The following ZNF142 variants were observed in gnomAD, a reference collection of about 807,000 sequenced individuals.
ZNF142 encodes the protein zinc finger protein 142.
A neutral mutation model predicts 132.1 loss-of-function variants in ZNF142; 96 were observed. The observed-to-expected ratio is 0.73, with a 90% CI of 0.62 to 0.86. ZNF142 has a LOEUF of 0.86. ZNF142 is among the 40% of genes least tolerant of loss of function. The probability of loss-of-function intolerance (pLI) is 0.00; values close to 1 mark genes in which losing one functional copy is unlikely to be tolerated. For synonymous variants in ZNF142, 842 were observed against 890.1 expected, an observed-to-expected ratio of 0.95 and a Z score of 0.96; for missense variants, 2,163 against 2,336.2, an observed-to-expected ratio of 0.93 and a Z score of 1.53.
At chr2:218,639,556 C>G (rs1045765691) in intron 10 of ZNF142, among the ~76,000 whole-genome samples, 7 of 152,038 alleles carry the variant, frequency 4.6e-5, no homozygotes, top group African/African-American at 1.7e-4. Context: ...GCCTGGGCAA[C>G]AAAGTGAGAC....
rs1305735483 is a variant in ZNF142, at chr2:218,634,600, C to G, written c.*3739G>C. The G allele has an allele frequency of 5.6e-6, 9 of 1,613,886 alleles. No individual in the cohort carries two copies. The highest frequency in any genetic ancestry group is 7.6e-6 in the Non-Finnish European group (9 of 1,179,896). ...CTTTCCACCCTGAGAAGCCCATCAGCCCTTTCAAAGCCCAGACTCTCTTAA... is the reference window on the plus strand; with the variant it reads ...CTTTCCACCCTGAGAAGCCCATCAGGCCTTTCAAAGCCCAGACTCTCTTAA... On this transcript the variant is annotated 3_prime_UTR_variant, in exon 11 of 11. Coordinates refer to ENST00000411696, the MANE Select transcript of ZNF142 (RefSeq NM_001379659.1). This position sits in a 1 kb window ranked among gnomAD's most constrained non-coding sequence, Gnocchi z 4.0.
chr2:218,650,536 C>G lies in ZNF142; in HGVS notation c.881-10G>C. 6.4e-7 allele frequency: 1 copy of G among 1,556,656 alleles called. No individual in the cohort carries two copies. Among genetic ancestry groups the G allele is most frequent in the Non-Finnish European group, 8.7e-7 (1 of 1,154,278 alleles). ...GGAGGCAGTTTGGGAGCTGGAGATA[C>G]ATAAAACTTGATAAAGTCTACAGGA... is the stretch of plus-strand genomic sequence containing the variant. On this transcript the variant is annotated splice_polypyrimidine_tract_variant and intron_variant, in intron 5 of 10. Coordinates refer to ENST00000411696, the MANE Select transcript of ZNF142 (RefSeq NM_001379659.1).
chr2:218,643,138 G>A lies in ZNF142; in HGVS notation c.3978C>T (p.Gly1326=), dbSNP rs1338135552. The part of the protein sequence containing the change: ...ERALRTHQIR[G]CPLEESGELH... ...GCTCTCCAGACTCCTCGAGGGGGCA[G>A]CCCCGGATCTGGTGAGTCCTCAGAG... is the stretch of plus-strand genomic sequence containing the variant. Residue 1326 remains glycine, a synonymous_variant, in exon 9 of 11, where the codon GGC becomes GGT. Transcript: ENST00000411696. 1.2e-6 allele frequency: 2 copies of A among 1,614,108 alleles called. No individual in the cohort carries two copies. Among genetic ancestry groups the A allele is most frequent in the South Asian group, 2.2e-5 (2 of 91,072 alleles).
At position 218,642,266 on chromosome 2, in the gene ZNF142, C is replaced by T. The variant is rs1280645921; in HGVS notation, c.4850G>A (p.Gly1617Glu). The change falls in exon 9 of 11, where the codon GGG becomes GAG. Residue 1617 changes from glycine to glutamate, a missense_variant. Physicochemically the swap from Gly to Glu is moderately conservative, Grantham distance 98. This residue lies in a region of ZNF142 where 17 missense variants were observed against 35.9 expected (regional missense o/e 0.47). Coordinates refer to ENST00000411696, the MANE Select transcript of ZNF142 (RefSeq NM_001379659.1). This position sits in a 1 kb window ranked among gnomAD's most constrained non-coding sequence, Gnocchi z 4.6. ...GTGTAGCGGGGGCTGGCCAGCATCCCCATCCCCATCTGAGGCTGCCACGGC... is the reference window on the plus strand; with the variant it reads ...GTGTAGCGGGGGCTGGCCAGCATCCTCATCCCCATCTGAGGCTGCCACGGC... ...SAAVAASDGD[G>E]DAGQPPLHCP... 2 of 1,614,144 alleles carry T rather than the reference C, an allele frequency of 1.2e-6. No individual in the cohort carries two copies. Among genetic ancestry groups the T allele is most frequent in the Admixed American group, 1.7e-5 (1 of 60,024 alleles).
intron 3 of ZNF142, among the ~76,000 whole-genome samples, chr2:218,657,437 ATTC>A (rs1938617474): frequency 6.6e-6 from 1 of 151,940 alleles, no homozygotes; most frequent in African/African-American, 2.4e-5. Context: ...GCCTCCTGAC[ATTC>A]TTTTTTTTGA....
At position 218,642,307 on chromosome 2, in the gene ZNF142, A is replaced by G. The variant is rs1697273568; in HGVS notation, c.4809T>C (p.His1603=). 5.0e-6 allele frequency: 8 copies of G among 1,613,932 alleles called. No individual in the cohort carries two copies. The highest frequency in any genetic ancestry group is 4.0e-5 in the African/African-American group (3 of 75,016). ...VGLVKHYLEQ[H]EETSAAVAAS... is the part of the protein sequence containing the mutation. ...CTGCCACGGCTGCTGAAGTCTCCTC[A>G]TGCTGTTCCAGGTAGTGCTTTACCA... is the stretch of plus-strand genomic sequence containing the variant. Residue 1603 remains histidine (H), a synonymous_variant, in exon 9 of 11, where the codon CAT becomes CAC. Coordinates refer to ENST00000411696, the MANE Select transcript of ZNF142 (RefSeq NM_001379659.1). This position sits in a 1 kb window ranked among gnomAD's most constrained non-coding sequence, Gnocchi z 4.6.
At position 218,649,080 on chromosome 2, in the gene ZNF142, C is replaced by T. The variant is rs957991193; in HGVS notation, c.1428G>A (p.Thr476=). 19 of 1,613,798 alleles carry T rather than the reference C, an allele frequency of 1.2e-5. No homozygotes were observed. The highest frequency in any genetic ancestry group is 1.4e-5 in the Non-Finnish European group (17 of 1,180,058). Residue 476 remains threonine (T), a synonymous_variant, in exon 7 of 11, where the codon ACG becomes ACA. Transcript: ENST00000411696. ...QALKEHLKSH[T]AAAAAEPLPL... is the part of the protein sequence containing the mutation. ...GTAATGGCTCTGCTGCGGCTGCTGC[C>T]GTGTGGCTCTTGAGGTGCTCCTTTA...
intron 4 of ZNF142, among the ~76,000 whole-genome samples, chr2:218,653,036 T>C (rs968927038): frequency 1.3e-5 from 2 of 152,016 alleles, no homozygotes; most frequent in African/African-American, 4.8e-5. Context: ...ATCTTGGCAC[T>C]TTGGGAGGCT....
intron 5 of ZNF142, among the ~76,000 whole-genome samples, 155 bp from the exon 6 acceptor site, chr2:218,650,681 G>A (rs1559301065): frequency 6.6e-6 from 1 of 152,198 alleles, no homozygotes; most frequent in African/African-American, 2.4e-5. Flanking sequence ...CACTCAAGAT[G>A]AAAATAGGAG....
rs1473284611 is a variant in ZNF142 at position 218,640,709 on chromosome 2, A to T, written c.5149T>A (p.Cys1717Ser). 4.3e-6 allele frequency: 7 copies of T among 1,614,040 alleles called. No homozygotes were observed. The highest frequency in any genetic ancestry group is 5.1e-6 in the Non-Finnish European group (6 of 1,180,036). Reference sequence around the variant, plus strand: ...TATTTCAGCTGGTTGACCCACTTGCACTTGTAGCCACACTCAGGGCACAGG... The same window carrying T: ...TATTTCAGCTGGTTGACCCACTTGCTCTTGTAGCCACACTCAGGGCACAGG... ...KYLCPECGYK[C>S]KWVNQLKYHM... is the part of the protein sequence containing the mutation. Residue 1717 changes from cysteine (C) to serine (S), a missense_variant, in exon 10 of 11, where the codon TGC becomes AGC. By Grantham distance (112) the Cys-to-Ser change is moderately radical. Around this residue, in one of 7 missense-constraint regions of ZNF142, gnomAD observed 325 missense variants for 367.8 expected, o/e 0.88. Coordinates refer to ENST00000411696, the MANE Select transcript of ZNF142 (RefSeq NM_001379659.1).
chr2:218,636,664 G>A lies in ZNF142; in HGVS notation c.*1675C>T, dbSNP rs1696775968. ...GATGCTCGAGAGAACAAATGGAGGT[G>A]GTGAAAATCAAGCTTTGGATTGTGC... is the stretch of plus-strand genomic sequence containing the variant. On this transcript the variant is annotated 3_prime_UTR_variant, in exon 11 of 11. Transcript: ENST00000411696. 1 of 1,390,324 alleles carries A rather than the reference G, an allele frequency of 7.2e-7. No individual in the cohort carries two copies. Among genetic ancestry groups the A allele is most frequent in the Non-Finnish European group, 1.0e-6 (1 of 1,003,016 alleles). The allele number at this position is 1,390,324 out of a possible 1,614,324, so 86.1% of individuals were successfully genotyped here. A position where few individuals can be genotyped will look rare whatever the true frequency, so the allele number is the denominator to read the frequency against.
In ZNF142 at chr2:218,643,995, A is replaced by G. The variant is rs774445556; in HGVS notation, c.3121T>C (p.Cys1041Arg). Residue 1041 changes from cysteine to arginine, a missense_variant, in exon 9 of 11, where the codon TGC becomes CGC. This residue lies in a region of ZNF142 where 809 missense variants were observed against 801.7 expected (regional missense o/e 1.01). Transcript: ENST00000411696. ...GEGRAFRCPHCPFITRREKAL... is the reference protein window; with the variant it reads ...GEGRAFRCPHRPFITRREKAL... ...TTCTCCCGGCGAGTGATAAAAGGGC[A>G]GTGTGGGCAGCGGAAGGCTCGCCCC... The G allele has an allele frequency of 1.9e-6, 3 of 1,614,156 alleles. No individual in the cohort carries two copies. The highest frequency in any genetic ancestry group is 2.2e-5 in the South Asian group (2 of 91,082).
At chr2:218,648,290 T>C (rs1937624927) in intron 7 of ZNF142, among the ~76,000 whole-genome samples, 1 of 152,216 alleles carries the variant, frequency 6.6e-6, no homozygotes, top group African/African-American at 2.4e-5. Flanking sequence ...AAAACATGAA[T>C]TGCAAAGTAA....
rs1295250540 is a variant in ZNF142, at chr2:218,652,084, C to A, written c.497G>T (p.Cys166Phe). The change falls in exon 5 of 11, where the codon TGC becomes TTC. Residue 166 changes from cysteine (C) to phenylalanine (F), a missense_variant. Around this residue, in one of 7 missense-constraint regions of ZNF142, gnomAD observed 195 missense variants for 172.4 expected, o/e 1.13. Coordinates refer to ENST00000411696, the MANE Select transcript of ZNF142 (RefSeq NM_001379659.1). ...GQSPPVSPLSCPVCRQEFAQP... is the reference protein window; with the variant it reads ...GQSPPVSPLSFPVCRQEFAQP... ...GGCAAACTCCTGTCTACACACAGGG[C>A]ATGATAGGGGGCTAACTGGCGGGCT... 1 of 454,968 alleles carries A rather than the reference C, an allele frequency of 2.2e-6. No individual in the cohort carries two copies. Among genetic ancestry groups the A allele is most frequent in the Non-Finnish European group, 4.4e-6 (1 of 226,822 alleles). The allele number at this position is 454,968 out of a possible 1,614,324, so 28.2% of individuals were successfully genotyped here.
rs748524094 is a variant in ZNF142, at chr2:218,656,703, G to A, written c.-34-240C>T. Among the ~76,000 whole-genome samples the A allele has an allele frequency of 4.6e-5, 7 of 152,120 alleles. No homozygotes were observed. In the South Asian group the frequency reaches 8.3e-4, roughly 18 times the overall value. ...AACAAGTATTGGCCAATATATTAAT[G>A]ACTGCAGGTTGTCTTCTGCTAGCTA... On this transcript the variant is annotated intron_variant, in intron 3 of 10. Coordinates refer to ENST00000411696, the MANE Select transcript of ZNF142 (RefSeq NM_001379659.1).
chr2:218,642,587 G>C lies in ZNF142; in HGVS notation c.4529C>G (p.Pro1510Arg). 3 of 1,611,550 alleles carry C rather than the reference G, an allele frequency of 1.9e-6. No individual in the cohort carries two copies. Among genetic ancestry groups the C allele is most frequent in the Non-Finnish European group, 2.5e-6 (3 of 1,179,218 alleles). Residue 1510 changes from proline to arginine, a missense_variant, in exon 9 of 11, where the codon CCC (proline) becomes CGC (arginine). By Grantham distance (103) the Pro-to-Arg change is moderately radical (BLOSUM62 -2). Around this residue, in one of 7 missense-constraint regions of ZNF142, gnomAD observed 809 missense variants for 801.7 expected, o/e 1.01. Transcript: ENST00000411696. This position sits in a 1 kb window ranked among gnomAD's most constrained non-coding sequence, Gnocchi z 4.6. ...ALKQHALRRH[P>R]EPAQPAPGSP... ...GCCAGGGGCAGGCTGTGCAGGCTCG[G>C]GGTGTCGGCGCAGAGCATGCTGCTT... is the stretch of plus-strand genomic sequence containing the variant.
chr2:218,651,978 C>T lies in ZNF142; in HGVS notation c.603G>A (p.Val201=). The change falls in exon 5 of 11, where the codon GTG becomes GTA. Residue 201 remains valine, a synonymous_variant. Transcript: ENST00000411696. The stretch of plus-strand genomic sequence containing the variant: ...GACCCTTGCGATCTTCAGCAGAGAA[C>T]ACACAGCCAGATTCTGGGCAGGAGA... ...DTFSCPESGC[V]FSAEDRKGLQ... is the part of the protein sequence containing the mutation. The T allele has an allele frequency of 1.2e-6, 1 of 823,372 alleles. No homozygotes were observed. The highest frequency in any genetic ancestry group is 1.8e-6 in the Non-Finnish European group (1 of 562,548). The allele number at this position is 823,372 out of a possible 1,614,324, so 51.0% of individuals were successfully genotyped here. A position where few individuals can be genotyped will look rare whatever the true frequency, so the allele number is the denominator to read the frequency against.
In ZNF142 at chr2:218,633,515, G is replaced by A. The variant is rs1484586498; in HGVS notation, c.*4824C>T. 2.8e-6 allele frequency: 4 copies of A among 1,447,210 alleles called. No homozygotes were observed. The African/African-American group carries it at 4.2e-5, about 15-fold the overall frequency. The allele number at this position is 1,447,210 out of a possible 1,614,324, so 89.6% of individuals were successfully genotyped here. A position where few individuals can be genotyped will look rare whatever the true frequency, so the allele number is the denominator to read the frequency against. On this transcript the variant is annotated 3_prime_UTR_variant, in exon 11 of 11. Coordinates refer to ENST00000411696, the MANE Select transcript of ZNF142 (RefSeq NM_001379659.1). ...GGAGGGAGAATACAGTGGGGAGGCA[G>A]TGGGCAGAGGTTTAGGTTGGATGGC...
rs774426597 is a variant in ZNF142 at position 218,633,619 on chromosome 2, C to T, written c.*4720G>A. ...ACCTTCTCCAGAAATCCAAGCCCATCTTGTGTCCAGCCCTCTCTTCCCTGG... is the reference window on the plus strand; with the variant it reads ...ACCTTCTCCAGAAATCCAAGCCCATTTTGTGTCCAGCCCTCTCTTCCCTGG... On this transcript the variant is annotated 3_prime_UTR_variant, in exon 11 of 11. Transcript: ENST00000411696. 12 of 1,613,526 alleles carry T rather than the reference C, an allele frequency of 7.4e-6. 1 individual carries two copies. The Admixed American group carries it at 1.8e-4, about 25-fold the overall frequency.
Sources: allele counts gnomAD v4.1 joint callset (sites outside exome capture counted in the v4.1 genomes callset), GRCh38; gene constraint gnomAD v4.1.1; regional missense constraint gnomAD v4.1.1; non-coding constraint Gnocchi (gnomAD v3.1); transcripts MANE v1.5; gene names NCBI Gene and HGNC (gene_info 2026-07-23, HGNC 2026-07-21).